The following FAM83F variants were observed in gnomAD, a reference collection of about 807,000 sequenced individuals.
FAM83F encodes scaffolding CK1 anchoring protein F.
Under a neutral mutation model 42.9 loss-of-function variants are expected in FAM83F, and 45 were observed. The ratio of observed to expected loss-of-function variants is 1.05; its 90% confidence interval spans 0.83 to 1.35. The LOEUF (loss-of-function observed/expected upper bound fraction) is 1.35. FAM83F is among the 40% of genes most tolerant of loss of function. The probability of loss-of-function intolerance (pLI) is 0.00; values close to 1 mark genes in which losing one functional copy is unlikely to be tolerated. For synonymous variants in FAM83F, 306 were observed against 298.3 expected, an observed-to-expected ratio of 1.03 and a Z score of -0.27; for missense variants, 617 against 695.9, an observed-to-expected ratio of 0.89 and a Z score of 1.28.
chr22:40,021,756 C>G lies in FAM83F; in HGVS notation c.1246C>G (p.Arg416Gly). 1 of 1,612,860 alleles carries G rather than the reference C, an allele frequency of 6.2e-7. No individual in the cohort carries two copies. The highest frequency in any genetic ancestry group is 8.5e-7 in the Non-Finnish European group (1 of 1,179,814). Residue 416 changes from arginine to glycine, a missense_variant, in exon 4 of 5, where the codon CGA becomes GGA. Transcript: ENST00000333407. This position sits in a 1 kb window ranked among gnomAD's most constrained non-coding sequence, Gnocchi z 8.7. ...HMHRDLKPKS[R>G]EAPSRNGMGE... ...GCACAGAGACCTGAAGCCCAAATCC[C>G]GAGAGGCACCCAGCCGAAACGGCAT...
At chr22:40,024,741 G>C (rs1404189788) in intron 4 of FAM83F, among the ~76,000 whole-genome samples, 1 of 152,226 alleles carries the variant, frequency 6.6e-6, no homozygotes, top group Non-Finnish European at 1.5e-5. Flanking sequence ...GAGAACCTGA[G>C]TTGATGACAG....
At chr22:40,002,269 T>A (rs2067406525) in intron 1 of FAM83F, among the ~76,000 whole-genome samples, 1 of 152,210 alleles carries the variant, frequency 6.6e-6, no homozygotes. Context: ...CAAGTTCTTT[T>A]AGTTCTGGAG....
At chr22:40,019,751 G>C (rs898870180) in intron 2 of FAM83F, 136 bp from the exon 3 acceptor site, 1 of 1,258,166 alleles carries the variant, frequency 7.9e-7, no homozygotes, top group African/African-American at 1.5e-5. Context: ...AAGGCTGTAG[G>C]AAGCAGAGCG....
At position 40,041,076 on chromosome 22, in the gene FAM83F, C is replaced by T. The variant is rs1314272930; in HGVS notation, c.*11511C>T. ...AACCTCTCAAGGGAAAAAAGGAAGG[C>T]CTGTTGCTTGAGATGGCTCAGAGCA... On this transcript the variant is annotated 3_prime_UTR_variant, in exon 5 of 5. Transcript: ENST00000333407. The T allele has an allele frequency of 6.6e-6, 1 of 152,194 alleles. No homozygotes were observed. Among genetic ancestry groups the T allele is most frequent in the Non-Finnish European group, 1.5e-5 (1 of 68,044 alleles). The allele number at this position is 152,194 out of a possible 1,614,324, so 9.4% of individuals were successfully genotyped here.
At chr22:40,019,382 GACT>G (rs750600307) in intron 2 of FAM83F, 47 bp downstream of exon 2, 44 of 1,578,604 alleles carry the variant, frequency 2.8e-5, no homozygotes, top group Non-Finnish European at 3.6e-5. Context: ...ATGAGACAGA[GACT>G]ACCTCTGCCC....
At chr22:40,016,037 C>A (rs1245532023) in intron 1 of FAM83F, among the ~76,000 whole-genome samples, 1 of 152,118 alleles carries the variant, frequency 6.6e-6, no homozygotes, top group African/African-American at 2.4e-5. Flanking sequence ...TTTAGGATGG[C>A]ATCCCGGGAC....
At chr22:40,017,498 G>T (rs1202319947) in intron 1 of FAM83F, among the ~76,000 whole-genome samples, 1 of 152,224 alleles carries the variant, frequency 6.6e-6, no homozygotes, top group Non-Finnish European at 1.5e-5. Context: ...CTCCCAAAGT[G>T]CTGGGATTAC....
intron 1 of FAM83F, among the ~76,000 whole-genome samples, chr22:40,012,181 C>A (rs6001719): frequency 6.6e-6 from 1 of 152,000 alleles, no homozygotes; most frequent in African/African-American, 2.4e-5. Context: ...GTCACCCAGG[C>A]TGGAGTGCAG....
intron 4 of FAM83F, among the ~76,000 whole-genome samples, chr22:40,027,291 C>T (rs1173519748): frequency 1.3e-5 from 2 of 152,172 alleles, no homozygotes; most frequent in Admixed American, 1.3e-4. Context: ...GTTTGCACAT[C>T]ATTGTCCTTG....
intron 1 of FAM83F, among the ~76,000 whole-genome samples, chr22:40,007,447 CCTCCTCCTCTCCT>C (rs2067438902): frequency 2.2e-4 from 2 of 9,130 alleles, no homozygotes; most frequent in Non-Finnish European, 4.5e-4. Context: ...CCTCTCCTCT[CCTCCTCCTCTCCT>C]CTCCTCCTCT....
At chr22:40,005,954 T>C (rs1239430500) in intron 1 of FAM83F, among the ~76,000 whole-genome samples, 4 of 152,038 alleles carry the variant, frequency 2.6e-5, no homozygotes, top group African/African-American at 9.7e-5. Flanking sequence ...CAAGACCCTG[T>C]TGTAGCCGGG....
At chr22:39,999,147 T>A (rs1430111195) in intron 1 of FAM83F, 6 of 152,204 alleles carry the variant, frequency 3.9e-5, no homozygotes, top group Non-Finnish European at 8.8e-5. Context: ...TGATCCATCA[T>A]CTAATACAGT....
At chr22:39,996,789 G>A (rs573527312) in intron 1 of FAM83F, among the ~76,000 whole-genome samples, 11 of 152,270 alleles carry the variant, frequency 7.2e-5, no homozygotes, top group South Asian at 4.1e-4. Context: ...TTTCCACTGC[G>A]CACATTTCTA....
rs184557564 is a variant in FAM83F at position 40,037,263 on chromosome 22, T to C, written c.*7698T>C. 1 of 152,236 alleles carries C rather than the reference T, an allele frequency of 6.6e-6. No individual in the cohort carries two copies. The highest frequency in any genetic ancestry group is 1.5e-5 in the Non-Finnish European group (1 of 68,128). 9.4% of individuals were successfully genotyped at this position (152,236 alleles called of 1,614,324 possible). A position where few individuals can be genotyped will look rare whatever the true frequency, so the allele number is the denominator to read the frequency against. On this transcript the variant is annotated 3_prime_UTR_variant, in exon 5 of 5. Coordinates refer to ENST00000333407, the MANE Select transcript of FAM83F (RefSeq NM_138435.4). ...GGCACATGCCTGTAATCCCAGCTACTCGGGAGGCTGAGGCGTAGGAATTGC... is the reference window on the plus strand; with the variant it reads ...GGCACATGCCTGTAATCCCAGCTACCCGGGAGGCTGAGGCGTAGGAATTGC...
intron 4 of FAM83F, among the ~76,000 whole-genome samples, chr22:40,022,584 T>A (rs1295522091): frequency 1.3e-5 from 2 of 152,202 alleles, no homozygotes; most frequent in East Asian, 3.9e-4. Flanking sequence ...CAGCTGCTTG[T>A]CCCTGGGTGG....
At position 40,034,948 on chromosome 22, in the gene FAM83F, C is replaced by T. The variant is rs543389566; in HGVS notation, c.*5383C>T. On this transcript the variant is annotated 3_prime_UTR_variant, in exon 5 of 5. Transcript: ENST00000333407. ...GTCTTCATCTCCTGGGTGGTCCAGA[C>T]TAGGTGGCACTGGGCCTGCAGGCCT... is the stretch of plus-strand genomic sequence containing the variant. 1.3e-5 allele frequency: 2 copies of T among 152,352 alleles called. No individual in the cohort carries two copies. The highest frequency in any genetic ancestry group is 4.1e-4 in the South Asian group (2 of 4,832). 9.4% of individuals were successfully genotyped at this position (152,352 alleles called of 1,614,324 possible). A position where few individuals can be genotyped will look rare whatever the true frequency, so the allele number is the denominator to read the frequency against.
intron 1 of FAM83F, among the ~76,000 whole-genome samples, chr22:40,003,393 G>A (rs2067411559): frequency 6.6e-6 from 1 of 152,070 alleles, no homozygotes; most frequent in African/African-American, 2.4e-5. Flanking sequence ...CCTCACCTTG[G>A]CTGGTGGCCA....
At chr22:40,028,502 C>T (rs935931601) in intron 4 of FAM83F, among the ~76,000 whole-genome samples, 7 of 152,158 alleles carry the variant, frequency 4.6e-5, no homozygotes, top group Non-Finnish European at 7.4e-5. Context: ...AGGCAGCCAG[C>T]GCTCCGAGGA....
In FAM83F at chr22:40,029,589, A is replaced by C. The variant is rs752779783; in HGVS notation, c.*24A>C. 6.2e-7 allele frequency: 1 copy of C among 1,608,242 alleles called. No individual in the cohort carries two copies. The highest frequency in any genetic ancestry group is 1.3e-5 in the African/African-American group (1 of 74,906). ...GAGCTGCGGGATGGTGGTGGGCAGGACGTGTGGATGCCTGCCTGCCCTGCC... is the reference window on the plus strand; with the variant it reads ...GAGCTGCGGGATGGTGGTGGGCAGGCCGTGTGGATGCCTGCCTGCCCTGCC... On this transcript the variant is annotated 3_prime_UTR_variant, in exon 5 of 5. Transcript: ENST00000333407.
Sources: allele counts gnomAD v4.1 joint callset (sites outside exome capture counted in the v4.1 genomes callset), GRCh38; gene constraint gnomAD v4.1.1; non-coding constraint Gnocchi (gnomAD v3.1); transcripts MANE v1.5; gene names NCBI Gene and HGNC (gene_info 2026-07-23, HGNC 2026-07-21).